LEKR1: variants seen among roughly 807,000 people sequenced by gnomAD.
The protein encoded by LEKR1 is leucine, glutamate and lysine rich 1.
LEKR1 carries 59 observed loss-of-function variants against 72.4 expected under a neutral mutation model. That is an observed-to-expected ratio of 0.82 (90% CI 0.66 to 1.01). The LOEUF is 1.01. Ranked by LOEUF, LEKR1 falls within the 50% of genes least tolerant of loss-of-function variation. The pLI is 0.00. For missense variants in LEKR1, 728 were observed against 759.2 expected (o/e 0.96, Z 0.48); for synonymous variants, 257 against 263.2 (o/e 0.98, Z 0.23).
intron 6 of LEKR1, among the ~76,000 whole-genome samples, chr3:156,963,042 T>G (rs1188424126): frequency 6.6e-6 from 1 of 152,204 alleles, no homozygotes; most frequent in East Asian, 1.9e-4. Flanking sequence ...GCCCCTTGCA[T>G]TCTTTCTCCC....
chr3:156,871,774 C>G (rs1356344379), intron 3 of LEKR1, among the ~76,000 whole-genome samples: 1 of 152,052 alleles, frequency 6.6e-6, no homozygotes, highest in East Asian at 1.9e-4. Context: ...TCCTTGCATC[C>G]CTGGGATAAA....
chr3:156,898,167 A>G (rs1035405960), intron 3 of LEKR1, among the ~76,000 whole-genome samples: 2 of 152,196 alleles, frequency 1.3e-5, no homozygotes, highest in African/African-American at 4.8e-5. Flanking sequence ...TCCCCCACAA[A>G]GGACAGCTTT....
At chr3:156,954,293 T>C (rs1727425973) in intron 6 of LEKR1, among the ~76,000 whole-genome samples, 1 of 152,020 alleles carries the variant, frequency 6.6e-6, no homozygotes. Flanking sequence ...ATTGCAAAAA[T>C]TTTCTTCCAT....
chr3:156,836,424 C>A (rs938578522), intron 2 of LEKR1, among the ~76,000 whole-genome samples: 2 of 151,026 alleles, frequency 1.3e-5, no homozygotes, highest in African/African-American at 2.4e-5. Flanking sequence ...AGCTTTTTCT[C>A]AAAAAAAACA....
At chr3:157,042,757 T>C (rs1735446650) in intron 12 of LEKR1, among the ~76,000 whole-genome samples, 1 of 152,214 alleles carries the variant, frequency 6.6e-6, no homozygotes, top group Non-Finnish European at 1.5e-5. Context: ...TGCCTGTTAT[T>C]CATGTCAGTA....
rs571688543 is a variant in LEKR1, at chr3:156,973,891, A to G, written c.746-5303A>G. Among the ~76,000 whole-genome samples, 7 of 152,326 alleles carry G rather than the reference A, an allele frequency of 4.6e-5. No homozygotes were observed. In the East Asian group the frequency reaches 1.3e-3, roughly 29 times the overall value. On this transcript the variant is annotated intron_variant, in intron 6 of 12. Coordinates refer to ENST00000356539, the MANE Select transcript of LEKR1 (RefSeq NM_001004316.3). ...TTCTAATGAATATTAGCTGCTTCTA[A>G]TAAATGTTATAAAGCAGGAGCCTTT...
At chr3:157,008,655 C>A (rs977382861) in intron 9 of LEKR1, among the ~76,000 whole-genome samples, 1 of 152,172 alleles carries the variant, frequency 6.6e-6, no homozygotes, top group African/African-American at 2.4e-5. Flanking sequence ...TAAAGAACAT[C>A]TACAAAAACC....
chr3:156,965,314 T>C (rs1728470915), intron 6 of LEKR1, among the ~76,000 whole-genome samples: 1 of 152,178 alleles, frequency 6.6e-6, no homozygotes, highest in South Asian at 2.1e-4. Context: ...ACAATTATCT[T>C]CATGTTATAT....
intron 10 of LEKR1, among the ~76,000 whole-genome samples, chr3:157,023,007 T>C (rs1733949660): frequency 1.3e-5 from 2 of 152,166 alleles, no homozygotes; most frequent in South Asian, 2.1e-4. Context: ...CTGGGGCTAG[T>C]CTTCCATCAG....
intron 7 of LEKR1, among the ~76,000 whole-genome samples, chr3:156,986,765 G>C (rs978622407): frequency 1.3e-5 from 2 of 152,190 alleles, no homozygotes; most frequent in African/African-American, 4.8e-5. Context: ...CTTCTTTGAG[G>C]AGTGCACAAG....
At chr3:156,883,424 G>T (rs1361586259) in intron 3 of LEKR1, among the ~76,000 whole-genome samples, 2 of 152,156 alleles carry the variant, frequency 1.3e-5, no homozygotes, top group African/African-American at 4.8e-5. Context: ...TAAGACTTTG[G>T]GGGACTGTTG....
chr3:156,904,448 TA>T (rs1722337327), intron 3 of LEKR1, among the ~76,000 whole-genome samples: 1 of 151,184 alleles, frequency 6.6e-6, no homozygotes, highest in African/African-American at 2.4e-5. Context: ...AAAATATTTT[TA>T]TTTTTTTATT....
chr3:156,865,520 C>A (rs1355149185), intron 3 of LEKR1, among the ~76,000 whole-genome samples: 1 of 152,034 alleles, frequency 6.6e-6, no homozygotes, highest in African/African-American at 2.4e-5. Flanking sequence ...TTTCTTGAAT[C>A]TGTCCATATG....
chr3:156,857,109 T>A (rs1394490137), intron 3 of LEKR1, among the ~76,000 whole-genome samples: 1 of 152,160 alleles, frequency 6.6e-6, no homozygotes, highest in Non-Finnish European at 1.5e-5. Context: ...GTTCTTTAAG[T>A]TTATTTAAAA....
At chr3:156,880,892 A>C (rs566405550) in intron 3 of LEKR1, among the ~76,000 whole-genome samples, 1 of 152,164 alleles carries the variant, frequency 6.6e-6, no homozygotes, top group Admixed American at 6.5e-5. Context: ...AGAACCAAAA[A>C]CAAAAACCAC....
At chr3:156,960,997 C>T (rs1728085195) in intron 6 of LEKR1, among the ~76,000 whole-genome samples, 1 of 152,150 alleles carries the variant, frequency 6.6e-6, no homozygotes, top group South Asian at 2.1e-4. Flanking sequence ...AATGATTTTC[C>T]TTCCACCTGC....
At chr3:156,935,805 G>A (rs1469151058) in intron 5 of LEKR1, among the ~76,000 whole-genome samples, 1 of 152,116 alleles carries the variant, frequency 6.6e-6, no homozygotes, top group African/African-American at 2.4e-5. Flanking sequence ...TATGTGGAAT[G>A]AAATAAAATA....
chr3:157,042,234 T>C (rs1390269855), intron 12 of LEKR1, among the ~76,000 whole-genome samples: 2 of 152,100 alleles, frequency 1.3e-5, no homozygotes, highest in Admixed American at 6.5e-5. Context: ...AATTCAGGGG[T>C]CCTCCTGGTT....
chr3:156,949,794 T>C (rs969928446), intron 6 of LEKR1, among the ~76,000 whole-genome samples: 1 of 151,344 alleles, frequency 6.6e-6, no homozygotes, highest in Non-Finnish European at 1.5e-5. Context: ...TACTCACATT[T>C]AGTTAAAAAT....
Sources: allele counts gnomAD v4.1 joint callset (sites outside exome capture counted in the v4.1 genomes callset), GRCh38; gene constraint gnomAD v4.1.1; transcripts MANE v1.5; gene names NCBI Gene and HGNC (gene_info 2026-07-23, HGNC 2026-07-21).